The following INTS1 variants were observed in gnomAD, a reference collection of about 807,000 sequenced individuals.
INTS1 encodes the protein integrator complex subunit 1.
In INTS1, 137 loss-of-function variants were observed where a neutral mutation model predicts 241.6. The ratio of observed to expected loss-of-function variants is 0.57; its 90% CI spans 0.49 to 0.65. The LOEUF (loss-of-function observed/expected upper bound fraction) is 0.65. Ranked by LOEUF, INTS1 falls within the 30% of genes least tolerant of loss-of-function variation. The pLI, the probability that INTS1 is intolerant of heterozygous loss-of-function variation, is 0.00. For synonymous variants in INTS1, 1,692 were observed against 1,337.8 expected, an observed-to-expected ratio of 1.26 and a Z score of -5.78; for missense variants, 3,073 against 3,032.2, an observed-to-expected ratio of 1.01 and a Z score of -0.32.
intron 3 of INTS1, among the ~76,000 whole-genome samples, chr7:1,500,607 G>A (rs1425995464): frequency 2.0e-5 from 3 of 152,128 alleles, no homozygotes; most frequent in Non-Finnish European, 4.4e-5. Context: ...TCCTGGCTCC[G>A]CTGTGTCCCA....
intron 2 of INTS1, 75 bp from the exon 3 acceptor site, chr7:1,503,266 G>C: frequency 7.0e-7 from 1 of 1,425,580 alleles, no homozygotes. Context: ...CTAACCTCCT[G>C]TTATGTCAGA....
At chr7:1,484,595 T>C (rs1369499799) in intron 24 of INTS1, among the ~76,000 whole-genome samples, 1 of 147,588 alleles carries the variant, frequency 6.8e-6, no homozygotes, top group Non-Finnish European at 1.5e-5. Flanking sequence ...GCGCCACACA[T>C]GTGAGCTAGA....
chr7:1,475,508 G>A (rs1436362389), intron 39 of INTS1, among the ~76,000 whole-genome samples: 1 of 152,170 alleles, frequency 6.6e-6, no homozygotes, highest in Non-Finnish European at 1.5e-5. Flanking sequence ...GCAGAAGACA[G>A]GCTGCAGGTT....
At chr7:1,489,443 T>C (rs1179842017) in intron 17 of INTS1, 39 bp from the exon 18 acceptor site, 4 of 1,184,380 alleles carry the variant, frequency 3.4e-6, no homozygotes, top group Non-Finnish European at 4.3e-6. Context: ...CAGGCTCCCC[T>C]GGGCACCAGG....
chr7:1,475,538 C>T (rs944574175), intron 39 of INTS1, among the ~76,000 whole-genome samples: 4 of 152,138 alleles, frequency 2.6e-5, no homozygotes, highest in Admixed American at 2.0e-4. Flanking sequence ...GGTGGGGAAG[C>T]GGGTACGGGA....
rs1015039457 is a variant in INTS1 at position 1,481,245 on chromosome 7, G to T, written c.3850+97C>A. ...TGCCACCCACACCCACCCGACCTCG[G>T]ATCACCCACCCGCTCGCACCCAGGC... On this transcript the variant is annotated intron_variant, in intron 28 of 47. Coordinates refer to ENST00000404767, the MANE Select transcript of INTS1 (RefSeq NM_001080453.3). The surrounding 1 kb of genome is among the most constrained non-coding windows in gnomAD (Gnocchi z 6.8). 7.0e-6 allele frequency: 10 copies of T among 1,428,130 alleles called. No individual in the cohort carries two copies. The Admixed American group carries it at 1.7e-4, about 24-fold the overall frequency. 88.5% of individuals were successfully genotyped at this position (1,428,130 alleles called of 1,614,324 possible). A position where few individuals can be genotyped will look rare whatever the true frequency, so the allele number is the denominator to read the frequency against.
At chr7:1,488,110 T>C (rs1005536142) in intron 18 of INTS1, among the ~76,000 whole-genome samples, 153 bp from the exon 19 acceptor site, 2 of 152,244 alleles carry the variant, frequency 1.3e-5, no homozygotes, top group Admixed American at 6.5e-5. Flanking sequence ...GTAGCATCCA[T>C]GGGGCTGTCA....
At position 1,474,131 on chromosome 7, in the gene INTS1, G is replaced by A. The variant is rs765661499; in HGVS notation, c.5829+37C>T. 9 of 1,532,276 alleles carry A rather than the reference G, an allele frequency of 5.9e-6. No individual in the cohort carries two copies. In the South Asian group the frequency reaches 7.5e-5, roughly 13 times the overall value. The allele number at this position is 1,532,276 out of a possible 1,614,324, so 94.9% of individuals were successfully genotyped here. A position where few individuals can be genotyped will look rare whatever the true frequency, so the allele number is the denominator to read the frequency against. On this transcript the variant is annotated intron_variant, in intron 41 of 47. Coordinates refer to ENST00000404767, the MANE Select transcript of INTS1 (RefSeq NM_001080453.3). ...AGGCCTGGGCCAGAGCAGAGGGAGT[G>A]GAAGGGAGCGCGAGGGCGGGCGGCG...
Position 1,493,880 on chromosome 7 carries a change from T to C in INTS1, c.1942A>G (p.Ile648Val), listed in dbSNP as rs1468929122. The C allele has an allele frequency of 3.2e-6, 5 of 1,563,878 alleles. No homozygotes were observed. The highest frequency in any genetic ancestry group is 2.4e-5 in the East Asian group (1 of 41,610). Residue 648 changes from isoleucine (I) to valine (V), a missense_variant, in exon 15 of 48, where the codon ATT becomes GTT. Transcript: ENST00000404767. This position sits in a 1 kb window ranked among gnomAD's most constrained non-coding sequence, Gnocchi z 5.3. Reference protein sequence around the residue: ...FFLRLCSEVPILEDTLMRILV... With the variant: ...FFLRLCSEVPVLEDTLMRILV... The stretch of plus-strand genomic sequence containing the variant: ...ATGCGCATCAGCGTGTCCTCCAAAA[T>C]GGGCACCTCGGAGCACAGACGCAGG...
rs182592165 is a variant in INTS1 at position 1,473,145 on chromosome 7, T to C, written c.5997A>G (p.Lys1999=). The change falls in exon 43 of 48, where the codon AAA becomes AAG. Residue 1999 remains lysine, a synonymous_variant. Coordinates refer to ENST00000404767, the MANE Select transcript of INTS1 (RefSeq NM_001080453.3). ...SFDNSDLVML[K]SLLAGLSLPS... is the part of the protein sequence containing the mutation. ...GCAGGCTGAGCCCTGCAAGGAGGGA[T>C]TTCAGCATCACCAGGTCACTGTTGT... 6.2e-7 allele frequency: 1 copy of C among 1,612,058 alleles called. No homozygotes were observed. Among genetic ancestry groups the C allele is most frequent in the East Asian group, 2.2e-5 (1 of 44,844 alleles).
intron 16 of INTS1, among the ~76,000 whole-genome samples, chr7:1,490,151 A>G (rs1388050727): frequency 6.6e-6 from 1 of 152,222 alleles, no homozygotes; most frequent in Admixed American, 6.5e-5. Flanking sequence ...GAAAGACCAC[A>G]CCAGAAAGCA....
intron 27 of INTS1, 123 bp downstream of exon 27, chr7:1,482,423 G>A: frequency 1.1e-6 from 1 of 947,896 alleles, no homozygotes; most frequent in Non-Finnish European, 1.5e-6. Context: ...AGGATCCCCT[G>A]AGGCTACCCG....
Position 1,482,724 on chromosome 7 carries a change from G to A in INTS1, c.3542-17C>T, listed in dbSNP as rs190996911. 29 of 1,611,384 alleles carry A rather than the reference G, an allele frequency of 1.8e-5. No homozygotes were observed. Among genetic ancestry groups the A allele is most frequent in the Non-Finnish European group, 2.3e-5 (27 of 1,179,196 alleles). ...TGTCGTCGGCTTCAGGAAGGACAAC[G>A]GGTGAGCAGCCTTCAGACCCACCGG... is the stretch of plus-strand genomic sequence containing the variant. On this transcript the variant is annotated splice_polypyrimidine_tract_variant and intron_variant, in intron 26 of 47. Transcript: ENST00000404767.
chr7:1,472,476 G>A (rs1411176762), intron 43 of INTS1, 90 bp from the exon 44 acceptor site: 6 of 905,660 alleles, frequency 6.6e-6, no homozygotes, highest in East Asian at 5.4e-5. Context: ...AGAGCACGGC[G>A]GCCACTGCCC....
chr7:1,499,454 G>A lies in INTS1; in HGVS notation c.844+19C>T, dbSNP rs1339508389. ...TGGGGCTTGGACACCCGCCCTCTCT[G>A]GCTGGCCGTGTGTCTCACCTGCACC... On this transcript the variant is annotated intron_variant, in intron 6 of 47. Transcript: ENST00000404767. The A allele has an allele frequency of 3.2e-6, 5 of 1,540,120 alleles. No individual in the cohort carries two copies. Among genetic ancestry groups the A allele is most frequent in the Non-Finnish European group, 4.4e-6 (5 of 1,141,226 alleles).
chr7:1,476,795 T>C lies in INTS1; in HGVS notation c.5062A>G (p.Arg1688Gly). 1 of 1,612,796 alleles carries C rather than the reference T, an allele frequency of 6.2e-7. No homozygotes were observed. Among genetic ancestry groups the C allele is most frequent in the African/African-American group, 1.3e-5 (1 of 75,052 alleles). The change falls in exon 36 of 48, where the codon AGG (arginine) becomes GGG (glycine). Residue 1688 changes from arginine to glycine, a missense_variant and splice_region_variant. Transcript: ENST00000404767. ...GGTTGGGGACAGGGAGGCGCCCACC[T>C]CTGTTCCCGGCTCTTGCCCAGCAGG... is the stretch of plus-strand genomic sequence containing the variant. ...RVLLGKSREQ[R>G]FDPSASLDFL...
chr7:1,473,443 C>T, intron 42 of INTS1, 123 bp downstream of exon 42: 2 of 1,265,868 alleles, frequency 1.6e-6, no homozygotes, highest in Non-Finnish European at 2.2e-6. Context: ...CCACGCTCAG[C>T]AGCCCTCCCC....
chr7:1,502,474 C>A (rs890451641), intron 3 of INTS1, among the ~76,000 whole-genome samples: 3 of 152,226 alleles, frequency 2.0e-5, no homozygotes, highest in Non-Finnish European at 4.4e-5. Flanking sequence ...CAACTCTTCT[C>A]TGTTGGTAAC....
Position 1,489,320 on chromosome 7 carries a change from C to T in INTS1, c.2318+24G>A, listed in dbSNP as rs569876498. 6 of 1,604,484 alleles carry T rather than the reference C, an allele frequency of 3.7e-6. No homozygotes were observed. The African/African-American group carries it at 6.8e-5, about 18-fold the overall frequency. On this transcript the variant is annotated intron_variant, in intron 18 of 47. Transcript: ENST00000404767. ...CAGGCCCTGCTCCCCATCCCGGGCC[C>T]GCCGAGGGGACGTGCGCACTCACTT...
Sources: allele counts gnomAD v4.1 joint callset (sites outside exome capture counted in the v4.1 genomes callset), GRCh38; gene constraint gnomAD v4.1.1; non-coding constraint Gnocchi (gnomAD v3.1); transcripts MANE v1.5; gene names NCBI Gene and HGNC (gene_info 2026-07-23, HGNC 2026-07-21).